PHF5A: variants seen among roughly 807,000 people sequenced by gnomAD.
The protein encoded by PHF5A is PHD finger protein 5A.
For synonymous variants in PHF5A, 52 were observed against 46.0 expected, an observed-to-expected ratio of 1.13 and a Z score of -0.52; for missense variants, 24 against 140.6, an observed-to-expected ratio of 0.17 and a Z score of 4.19.
chr22:41,460,531 C>G (rs545645903), intron 3 of PHF5A, 44 bp from the exon 4 acceptor site: 2 of 1,487,002 alleles, frequency 1.3e-6, no homozygotes, highest in South Asian at 2.5e-5. Context: ...TGAGCCTGAA[C>G]CAAGAGTGAC....
chr22:41,460,593 C>A lies in PHF5A; in HGVS notation c.244-106G>T. On this transcript the variant is annotated intron_variant, in intron 3 of 3. Coordinates refer to ENST00000216252, the MANE Select transcript of PHF5A (RefSeq NM_032758.4). ...TGGTAGCATGTGCCTTTAGTCCCAG[C>A]TACTACTCGAAGGCCGAGGCAGGAG... 3.9e-6 allele frequency: 3 copies of A among 762,684 alleles called. No homozygotes were observed. In the South Asian group the frequency reaches 6.8e-5, roughly 17 times the overall value. The allele number at this position is 762,684 out of a possible 1,614,324, so 47.2% of individuals were successfully genotyped here. A position where few individuals can be genotyped will look rare whatever the true frequency, so the allele number is the denominator to read the frequency against.
chr22:41,462,926 T>C (rs1184557466), intron 3 of PHF5A, among the ~76,000 whole-genome samples: 1 of 150,324 alleles, frequency 6.7e-6, no homozygotes, highest in African/African-American at 2.5e-5. Context: ...CAGGCTGGAG[T>C]GCAGTGGCGC....
In PHF5A at chr22:41,468,030, A is replaced by G. The variant is rs998513919; in HGVS notation, c.76+94T>C. 1.5e-5 allele frequency: 20 copies of G among 1,359,606 alleles called. No individual in the cohort carries two copies. In the East Asian group the frequency reaches 4.4e-4, roughly 30 times the overall value. The allele number at this position is 1,359,606 out of a possible 1,614,324, so 84.2% of individuals were successfully genotyped here. ...TCAGTGTTCACATACTTCCAGGCACATCTACTCAAAGCCCTCTTTGTGGCA... is the reference window on the plus strand; with the variant it reads ...TCAGTGTTCACATACTTCCAGGCACGTCTACTCAAAGCCCTCTTTGTGGCA... On this transcript the variant is annotated intron_variant, in intron 2 of 3. Coordinates refer to ENST00000216252, the MANE Select transcript of PHF5A (RefSeq NM_032758.4).
Position 41,460,362 on chromosome 22 carries a change from G to A in PHF5A, c.*36C>T. ...GGCATGTTTTCTGGCAGCTGCAGCA[G>A]ACTGATGTTGGGGGGAGGAAGGGGC... On this transcript the variant is annotated 3_prime_UTR_variant, in exon 4 of 4. Transcript: ENST00000216252. 1 of 1,527,280 alleles carries A rather than the reference G, an allele frequency of 6.5e-7. No individual in the cohort carries two copies. The highest frequency in any genetic ancestry group is 9.0e-7 in the Non-Finnish European group (1 of 1,111,320). 94.6% of individuals were successfully genotyped at this position (1,527,280 alleles called of 1,614,324 possible). A position where few individuals can be genotyped will look rare whatever the true frequency, so the allele number is the denominator to read the frequency against.
In PHF5A at chr22:41,468,627, G is replaced by A. The variant is rs2037896504; in HGVS notation, c.27C>T (p.Ile9=). The stretch of plus-strand genomic sequence containing the variant: ...CAACACCAGCCTGCTTGCGGCAAAA[G>A]ATCAAATCAGGATGATGTTTAGCCA... The part of the protein sequence containing the change: MAKHHPDL[I]FCRKQAGVAI... The change falls in exon 1 of 4, where the codon ATC becomes ATT. Residue 9 remains isoleucine (I), a synonymous_variant. Transcript: ENST00000216252. The A allele has an allele frequency of 3.1e-6, 5 of 1,614,010 alleles. No individual in the cohort carries two copies. The highest frequency in any genetic ancestry group is 2.7e-5 in the African/African-American group (2 of 74,932).
Position 41,468,633 on chromosome 22 carries a change from A to G in PHF5A, c.21T>C (p.Asp7=), listed in dbSNP as rs1171763871. 1 of 1,613,068 alleles carries G rather than the reference A, an allele frequency of 6.2e-7. No homozygotes were observed. Among genetic ancestry groups the G allele is most frequent in the East Asian group, 2.2e-5 (1 of 44,774 alleles). The part of the protein sequence containing the change: MAKHHP[D]LIFCRKQAGV... ...CAGCCTGCTTGCGGCAAAAGATCAA[A>G]TCAGGATGATGTTTAGCCATAGCTC... The change falls in exon 1 of 4, where the codon GAT becomes GAC. Residue 7 remains aspartate (D), a synonymous_variant. Coordinates refer to ENST00000216252, the MANE Select transcript of PHF5A (RefSeq NM_032758.4).
rs765989339 is a variant in PHF5A, at chr22:41,468,677, G to A, written c.-24C>T. On this transcript the variant is annotated 5_prime_UTR_variant, in exon 1 of 4. Coordinates refer to ENST00000216252, the MANE Select transcript of PHF5A (RefSeq NM_032758.4). ...ATAGCTCCTAACTAAGCCGGCCACC[G>A]GAAGCTTCGGGAACTTCCGTCCGAC... 10 of 1,612,604 alleles carry A rather than the reference G, an allele frequency of 6.2e-6. No individual in the cohort carries two copies. The highest frequency in any genetic ancestry group is 1.7e-4 in the Middle Eastern group (1 of 6,056).
intron 1 of PHF5A, 157 bp downstream of exon 1, chr22:41,468,445 G>C: frequency 1.2e-6 from 1 of 819,706 alleles, no homozygotes; most frequent in Middle Eastern, 2.6e-4. Context: ...TCTCATCAGA[G>C]GCCACAAACC....
intron 3 of PHF5A, among the ~76,000 whole-genome samples, chr22:41,463,826 G>A (rs147067449): frequency 5.3e-5 from 8 of 151,712 alleles, no homozygotes; most frequent in South Asian, 4.2e-4. Flanking sequence ...CCTGGGAGGC[G>A]GAGATTGTAA....
intron 1 of PHF5A, 42 bp from the exon 2 acceptor site, chr22:41,468,189 G>A (rs2037887835): frequency 1.9e-6 from 3 of 1,609,750 alleles, no homozygotes; most frequent in East Asian, 2.2e-5. Flanking sequence ...TAGAATAAAG[G>A]TTTTGAGAAA....
chr22:41,466,435 A>G (rs1020355563), intron 3 of PHF5A, among the ~76,000 whole-genome samples: 1 of 152,242 alleles, frequency 6.6e-6, no homozygotes, highest in Admixed American at 6.5e-5. Context: ...TTAAAGCTGA[A>G]GTCAACTTGA....
intron 3 of PHF5A, among the ~76,000 whole-genome samples, chr22:41,463,135 G>A (rs1363051876): frequency 6.6e-6 from 1 of 151,880 alleles, no homozygotes; most frequent in Non-Finnish European, 1.5e-5. Flanking sequence ...GCCTCCCAAA[G>A]CGCTGGGATT....
rs1491265943 is a variant in PHF5A, at chr22:41,459,918, C to CT, written c.*479_*480insA. ...GAGCCCTGCCCCCCCACCCCCCCCC[C>CT]AAAAAAAACGGGAAATGCCTACATT... On this transcript the variant is annotated 3_prime_UTR_variant, in exon 4 of 4. Transcript: ENST00000216252. 7 of 112,382 alleles carry CT rather than the reference C, an allele frequency of 6.2e-5. No homozygotes were observed. The highest frequency in any genetic ancestry group is 6.8e-4 in the East Asian group (2 of 2,920). 7.0% of individuals were successfully genotyped at this position (112,382 alleles called of 1,614,324 possible). A position where few individuals can be genotyped will look rare whatever the true frequency, so the allele number is the denominator to read the frequency against.
intron 3 of PHF5A, among the ~76,000 whole-genome samples, chr22:41,465,004 G>A (rs1379511211): frequency 6.6e-6 from 1 of 152,226 alleles, no homozygotes. Flanking sequence ...CTAATGAAGT[G>A]TAATCTAGCT....
intron 3 of PHF5A, among the ~76,000 whole-genome samples, chr22:41,461,449 G>A (rs151168343): frequency 0.069 from 10,376 of 150,424 alleles, 474 homozygotes; most frequent in Non-Finnish European, 0.1. Context: ...GTGCAGTGGC[G>A]CGATCTCGGC....
chr22:41,460,498 G>T lies in PHF5A; in HGVS notation c.244-11C>A. 6.3e-7 allele frequency: 1 copy of T among 1,584,632 alleles called. No homozygotes were observed. Among genetic ancestry groups the T allele is most frequent in the South Asian group, 1.1e-5 (1 of 87,342 alleles). ...TGGGCAGCCATCTCTCTGGAAAACAGAACAGAGAAGTTGTTAAGTCTTTGA... is the reference window on the plus strand; with the variant it reads ...TGGGCAGCCATCTCTCTGGAAAACATAACAGAGAAGTTGTTAAGTCTTTGA... On this transcript the variant is annotated splice_polypyrimidine_tract_variant and intron_variant, in intron 3 of 3. Coordinates refer to ENST00000216252, the MANE Select transcript of PHF5A (RefSeq NM_032758.4).
chr22:41,464,648 T>C (rs2037852245), intron 3 of PHF5A, among the ~76,000 whole-genome samples: 3 of 152,242 alleles, frequency 2.0e-5, no homozygotes, highest in Admixed American at 2.0e-4. Flanking sequence ...TAACATTTAT[T>C]AAGCATTCTC....
intron 3 of PHF5A, among the ~76,000 whole-genome samples, chr22:41,460,781 A>G (rs111452936): frequency 0.012 from 1,753 of 152,160 alleles, 17 homozygotes; most frequent in Non-Finnish European, 0.017. Flanking sequence ...TGAAGAACTC[A>G]ATAAATGGGT....
At chr22:41,463,997 A>G (rs936919177) in intron 3 of PHF5A, among the ~76,000 whole-genome samples, 2 of 152,228 alleles carry the variant, frequency 1.3e-5, no homozygotes, top group African/African-American at 2.4e-5. Context: ...TCTAAGCCTT[A>G]GCATCCTCAT....
Sources: gnomAD v4.1 joint callset for allele counts (sites outside exome capture counted in the v4.1 genomes callset) on GRCh38, gnomAD v4.1.1 for gene constraint, MANE v1.5 for transcripts, NCBI Gene and HGNC (gene_info 2026-07-23, HGNC 2026-07-21) for gene names.